Variants in TMF1 observed in about 807,000 individuals in gnomAD.
TMF1 encodes TATA element modulatory factor 1.
A neutral mutation model predicts 126.5 loss-of-function variants in TMF1; 71 were observed. The ratio of observed to expected loss-of-function variants is 0.56; its 90% CI spans 0.46 to 0.68. The LOEUF (loss-of-function observed/expected upper bound fraction) is 0.68. TMF1 is among the 30% of genes least tolerant of loss of function. The pLI is 0.00. For missense variants in TMF1, 1,259 were observed against 1,253.2 expected, an observed-to-expected ratio of 1.00 and a Z score of -0.07; for synonymous variants, 461 against 430.5, an observed-to-expected ratio of 1.07 and a Z score of -0.88.
intron 15 of TMF1, chr3:69,024,498 C>T (rs1301649546): frequency 5.8e-6 from 1 of 171,040 alleles, no homozygotes; most frequent in Non-Finnish European, 1.2e-5. Context: ...TAAATTACTA[C>T]AAGAACCCAG....
At chr3:69,039,061 T>G in intron 6 of TMF1, 52 bp from the exon 7 acceptor site, 1 of 1,285,344 alleles carries the variant, frequency 7.8e-7, no homozygotes. Context: ...AATACCATGG[T>G]AAATAACTGT....
intron 5 of TMF1, among the ~76,000 whole-genome samples, chr3:69,041,483 C>T (rs1262012792): frequency 1.3e-5 from 2 of 152,180 alleles, no homozygotes; most frequent in Admixed American, 6.5e-5. Context: ...AAACGCTACC[C>T]TTTCTCTGGA....
At chr3:69,028,140 C>T in intron 12 of TMF1, 86 bp downstream of exon 12, 1 of 1,260,030 alleles carries the variant, frequency 7.9e-7, no homozygotes. Context: ...TCACCCATTT[C>T]ATCTTGTTAT....
chr3:69,024,217 C>T (rs746836393), intron 15 of TMF1, 37 bp from the exon 16 acceptor site: 5 of 1,498,994 alleles, frequency 3.3e-6, no homozygotes, highest in African/African-American at 2.9e-5. Flanking sequence ...TAAATCAAAA[C>T]ATATCTTTTT....
chr3:69,035,997 A>C (rs1232288052), intron 8 of TMF1, among the ~76,000 whole-genome samples: 1 of 152,086 alleles, frequency 6.6e-6, no homozygotes. Flanking sequence ...TAAATTACTG[A>C]TATTTTATCT....
chr3:69,020,059 C>T lies in TMF1; in HGVS notation c.*3118G>A, dbSNP rs1338783802. ...CATAAATGTATACGTACTAAACATACAGTATTAAAACAAGATAAAACATCT... is the reference window on the plus strand; with the variant it reads ...CATAAATGTATACGTACTAAACATATAGTATTAAAACAAGATAAAACATCT... On this transcript the variant is annotated 3_prime_UTR_variant, in exon 17 of 17. Transcript: ENST00000398559. 6.6e-6 allele frequency: 1 copy of T among 151,938 alleles called. No homozygotes were observed. The highest frequency in any genetic ancestry group is 2.4e-5 in the African/African-American group (1 of 41,392). The allele number at this position is 151,938 out of a possible 1,614,324, so 9.4% of individuals were successfully genotyped here. A position where few individuals can be genotyped will look rare whatever the true frequency, so the allele number is the denominator to read the frequency against.
chr3:69,020,902 A>G lies in TMF1; in HGVS notation c.*2275T>C, dbSNP rs2091725726. On this transcript the variant is annotated 3_prime_UTR_variant, in exon 17 of 17. Coordinates refer to ENST00000398559, the MANE Select transcript of TMF1 (RefSeq NM_007114.3). ...TATTGCAATCTTTTCTCTGCAAATG[A>G]AGTTTTTTTCTACTAGTGGATATTT... 6.6e-6 allele frequency: 1 copy of G among 152,212 alleles called. No homozygotes were observed. The highest frequency in any genetic ancestry group is 2.4e-5 in the African/African-American group (1 of 41,464). The allele number at this position is 152,212 out of a possible 1,614,324, so 9.4% of individuals were successfully genotyped here.
chr3:69,026,196 CTT>C (rs373454566), intron 13 of TMF1, 99 bp from the exon 14 acceptor site: 7 of 764,688 alleles, frequency 9.2e-6, no homozygotes, highest in Non-Finnish European at 1.3e-5. Flanking sequence ...AAGATTCAGT[CTT>C]TTAAAAAAGC....
Position 69,039,791 on chromosome 3 carries a change from T to C in TMF1, c.1685-98A>G, listed in dbSNP as rs75844324. On this transcript the variant is annotated intron_variant, in intron 5 of 16. Coordinates refer to ENST00000398559, the MANE Select transcript of TMF1 (RefSeq NM_007114.3). ...ATAGTAACATAAAAGAACAGAATTT[T>C]TTTAAATTACAATTTTGTAACCCAC... 3,712 of 1,368,958 alleles carry C rather than the reference T, an allele frequency of 2.7e-3. 78 individuals carry two copies. The African/African-American group carries it at 0.05, about 19-fold the overall frequency. The allele number at this position is 1,368,958 out of a possible 1,614,324, so 84.8% of individuals were successfully genotyped here.
At chr3:69,049,460 G>T (rs917872095) in intron 1 of TMF1, among the ~76,000 whole-genome samples, 1 of 152,216 alleles carries the variant, frequency 6.6e-6, no homozygotes, top group African/African-American at 2.4e-5. Flanking sequence ...TGATGGGAAT[G>T]GTAAGTTCTA....
rs531677171 is a variant in TMF1, at chr3:69,026,618, C to T, written c.2758-521G>A. 3.3e-5 allele frequency among the ~76,000 whole-genome samples: 5 copies of T among 151,632 alleles called. No homozygotes were observed. In the South Asian group the frequency reaches 8.3e-4, roughly 25 times the overall value. ...CTGGGCAATAAGAGTAAAACTCAGT[C>T]TCCAAAACAAACAAACAAAAAAAAA... On this transcript the variant is annotated intron_variant, in intron 13 of 16. Coordinates refer to ENST00000398559, the MANE Select transcript of TMF1 (RefSeq NM_007114.3).
rs1200939745 is a variant in TMF1 at position 69,048,610 on chromosome 3, T to C, written c.143-48A>G. On this transcript the variant is annotated intron_variant, in intron 1 of 16. Transcript: ENST00000398559. ...AAAAAAGAACACATATATGTTACAT[T>C]AATATTTCAATCATCATTATAAATC... The C allele has an allele frequency of 3.5e-6, 5 of 1,420,858 alleles. No homozygotes were observed. In the Admixed American group the frequency reaches 1.2e-4, roughly 34 times the overall value. The allele number at this position is 1,420,858 out of a possible 1,614,324, so 88.0% of individuals were successfully genotyped here. A position where few individuals can be genotyped will look rare whatever the true frequency, so the allele number is the denominator to read the frequency against.
intron 5 of TMF1, chr3:69,042,570 A>G (rs1450480240): frequency 3.3e-6 from 2 of 611,788 alleles, no homozygotes; most frequent in South Asian, 3.0e-5. Flanking sequence ...ATTTCTGTCT[A>G]TTTTACAGGG....
In TMF1 at chr3:69,037,405, G is replaced by A. The variant is rs548628598; in HGVS notation, c.2151+1159C>T. Among the ~76,000 whole-genome samples the A allele has an allele frequency of 2.9e-4, 44 of 151,972 alleles. No homozygotes were observed. In the Middle Eastern group the frequency reaches 0.01, roughly 35 times the overall value. On this transcript the variant is annotated intron_variant, in intron 8 of 16. Transcript: ENST00000398559. The stretch of plus-strand genomic sequence containing the variant: ...CTGTAATCCAAGCACTTTGGGAGGC[G>A]GAGGCGGGTGGATCACCAGAGGTCA...
At chr3:69,041,633 A>G (rs1278656448) in intron 5 of TMF1, among the ~76,000 whole-genome samples, 1 of 152,202 alleles carries the variant, frequency 6.6e-6, no homozygotes, top group Non-Finnish European at 1.5e-5. Context: ...ACTTTAATAC[A>G]GCCACTAATA....
At chr3:69,031,905 TATTGCTAA>T (rs2091805170) in intron 10 of TMF1, among the ~76,000 whole-genome samples, 1 of 152,180 alleles carries the variant, frequency 6.6e-6, no homozygotes, top group South Asian at 2.1e-4. Flanking sequence ...AGCATTCATT[TATTGCTAA>T]ATATTTATTT....
chr3:69,023,648 T>C (rs2091751374), intron 16 of TMF1, among the ~76,000 whole-genome samples: 1 of 152,112 alleles, frequency 6.6e-6, no homozygotes, highest in African/African-American at 2.4e-5. Context: ...GTATAAGTAT[T>C]ACCCGGCATT....
In TMF1 at chr3:69,020,680, C is replaced by G. The variant is rs1250552096; in HGVS notation, c.*2497G>C. ...TTTTTCAAGAAACTGTTTAAGTTCACTTTAACTTACAGAAGTATTGAGAGA... is the reference window on the plus strand; with the variant it reads ...TTTTTCAAGAAACTGTTTAAGTTCAGTTTAACTTACAGAAGTATTGAGAGA... On this transcript the variant is annotated 3_prime_UTR_variant, in exon 17 of 17. Transcript: ENST00000398559. 1 of 152,098 alleles carries G rather than the reference C, an allele frequency of 6.6e-6. No individual in the cohort carries two copies. The highest frequency in any genetic ancestry group is 1.5e-5 in the Non-Finnish European group (1 of 67,996). The allele number at this position is 152,098 out of a possible 1,614,324, so 9.4% of individuals were successfully genotyped here.
Position 69,033,603 on chromosome 3 carries a change from C to G in TMF1, c.2346G>C (p.Leu782=). 1 of 1,614,012 alleles carries G rather than the reference C, an allele frequency of 6.2e-7. No individual in the cohort carries two copies. The highest frequency in any genetic ancestry group is 8.5e-7 in the Non-Finnish European group (1 of 1,179,992). The part of the protein sequence containing the change: ...LRQIENLQAT[L]GSQTSSWEKL... The stretch of plus-strand genomic sequence containing the variant: ...TCTCCCACGACGATGTCTGGGATCC[C>G]AGGGTTGCTTGCAAATTTTCTATTT... Residue 782 remains leucine, a synonymous_variant, in exon 10 of 17, where the codon CTG becomes CTC. Coordinates refer to ENST00000398559, the MANE Select transcript of TMF1 (RefSeq NM_007114.3).
Sources: gnomAD v4.1 joint callset for allele counts (sites outside exome capture counted in the v4.1 genomes callset) on GRCh38, gnomAD v4.1.1 for gene constraint, MANE v1.5 for transcripts, NCBI Gene and HGNC (gene_info 2026-07-23, HGNC 2026-07-21) for gene names.